FOXP2: variants seen among roughly 807,000 people sequenced by gnomAD.
FOXP2 encodes the protein forkhead box protein P2.
Under a neutral mutation model 115.8 loss-of-function variants are expected in FOXP2, and 12 were observed. That is an observed-to-expected ratio of 0.10 (90% CI 0.07 to 0.17). FOXP2 has a LOEUF of 0.17. Ranked by LOEUF, FOXP2 falls within the 10% of genes least tolerant of loss-of-function variation. FOXP2 has a pLI of 1.00. For missense variants in FOXP2, 629 were observed against 843.5 expected, an observed-to-expected ratio of 0.75 and a Z score of 3.15; for synonymous variants, 328 against 297.7, an observed-to-expected ratio of 1.10 and a Z score of -1.05.
chr7:114,646,471 GTGTTTTT>G (rs1805901925), intron 8 of FOXP2, among the ~76,000 whole-genome samples: 1 of 151,668 alleles, frequency 6.6e-6, no homozygotes, highest in Non-Finnish European at 1.5e-5. Flanking sequence ...ATTCATGCCA[GTGTTTTT>G]TAAAAAACCA....
chr7:114,268,920 A>C (rs530284389), intron 1 of FOXP2, among the ~76,000 whole-genome samples: 23 of 152,312 alleles, frequency 1.5e-4, no homozygotes, highest in African/African-American at 5.5e-4. Context: ...GATCAATTAC[A>C]TATTAAATAA....
chr7:114,361,322 G>A (rs912157616), intron 2 of FOXP2, among the ~76,000 whole-genome samples: 3 of 152,182 alleles, frequency 2.0e-5, no homozygotes, highest in African/African-American at 7.2e-5. Flanking sequence ...GAATGCCTCA[G>A]TGGACTTAAA....
At chr7:114,355,694 A>T (rs561232848) in intron 2 of FOXP2, among the ~76,000 whole-genome samples, 67 of 152,194 alleles carry the variant, frequency 4.4e-4, no homozygotes, top group Admixed American at 3.9e-3. Flanking sequence ...GGGAGTACAA[A>T]CCTGATTTTG....
intron 2 of FOXP2, among the ~76,000 whole-genome samples, chr7:114,526,195 A>AAAAC (rs1554410537): frequency 1.5e-3 from 218 of 147,102 alleles, no homozygotes; most frequent in African/African-American, 5.3e-3. Context: ...AAAAAAAAAA[A>AAAAC]GGGCCGGACG....
At chr7:114,431,655 G>C (rs953721073) in intron 2 of FOXP2, among the ~76,000 whole-genome samples, 1 of 151,738 alleles carries the variant, frequency 6.6e-6, no homozygotes, top group Non-Finnish European at 1.5e-5. Flanking sequence ...GTATTTTTTG[G>C]TTGATCAGAA....
intron 1 of FOXP2, among the ~76,000 whole-genome samples, chr7:114,259,970 A>G (rs1473587090): frequency 2.6e-5 from 4 of 151,946 alleles, no homozygotes; most frequent in Non-Finnish European, 5.9e-5. Flanking sequence ...GCTCACTGCA[A>G]CCTCCATCTC....
intron 2 of FOXP2, among the ~76,000 whole-genome samples, chr7:114,529,450 G>A (rs1335281829): frequency 6.6e-6 from 1 of 151,672 alleles, no homozygotes; most frequent in Non-Finnish European, 1.5e-5. Flanking sequence ...TAAATAGGAT[G>A]CTTTGTAAGT....
At chr7:114,646,465 A>T (rs1805900980) in intron 8 of FOXP2, among the ~76,000 whole-genome samples, 1 of 152,000 alleles carries the variant, frequency 6.6e-6, no homozygotes, top group South Asian at 2.1e-4. Flanking sequence ...TTTCATATTC[A>T]TGCCAGTGTT....
At chr7:114,451,669 C>T (rs1795078391) in intron 2 of FOXP2, among the ~76,000 whole-genome samples, 1 of 152,010 alleles carries the variant, frequency 6.6e-6, no homozygotes, top group South Asian at 2.1e-4. Flanking sequence ...GAAAGTACAT[C>T]ATTTACCTAG....
intron 2 of FOXP2, among the ~76,000 whole-genome samples, chr7:114,323,243 A>T (rs893584834): frequency 1.3e-5 from 2 of 152,116 alleles, no homozygotes; most frequent in African/African-American, 4.8e-5. Context: ...TCAGAATGGG[A>T]TAGTTCCTAT....
chr7:114,558,337 TAA>T (rs1402387706), intron 3 of FOXP2, among the ~76,000 whole-genome samples: 1 of 152,218 alleles, frequency 6.6e-6, no homozygotes, highest in African/African-American at 2.4e-5. Flanking sequence ...AGGATAACAC[TAA>T]TAGGACTCCA....
chr7:114,150,346 C>T (rs1792499240), intron 1 of FOXP2, among the ~76,000 whole-genome samples: 1 of 151,894 alleles, frequency 6.6e-6, no homozygotes, highest in Non-Finnish European at 1.5e-5. Flanking sequence ...TGAAGCATTG[C>T]CTTCATTATC....
intron 8 of FOXP2, among the ~76,000 whole-genome samples, chr7:114,650,185 C>G (rs1295547489): frequency 6.6e-6 from 1 of 151,844 alleles, no homozygotes; most frequent in Non-Finnish European, 1.5e-5. Context: ...TTTTTTAGTT[C>G]TTTAAATATA....
intron 1 of FOXP2, among the ~76,000 whole-genome samples, chr7:114,157,089 C>A (rs1254573666): frequency 6.6e-6 from 1 of 152,128 alleles, no homozygotes. Flanking sequence ...ACATAACTGT[C>A]TTTGAGTTAT....
In FOXP2 at chr7:114,642,406, A is replaced by G. The variant is rs1469991666; in HGVS notation, c.776-4A>G. ...TGCTAGTGAAGCTTTCTTTCATTTT[A>G]TAGCTGGCTTAAGTCCTGCTGAGAT... On this transcript the variant is annotated splice_polypyrimidine_tract_variant and splice_region_variant and intron_variant, in intron 6 of 16. Coordinates refer to ENST00000350908, the MANE Select transcript of FOXP2 (RefSeq NM_014491.4). 2 of 1,612,744 alleles carry G rather than the reference A, an allele frequency of 1.2e-6. No homozygotes were observed. The highest frequency in any genetic ancestry group is 1.3e-5 in the African/African-American group (1 of 74,864).
At chr7:114,689,302 T>A (rs1808535787) in intron 16 of FOXP2, among the ~76,000 whole-genome samples, 1 of 152,206 alleles carries the variant, frequency 6.6e-6, no homozygotes, top group South Asian at 2.1e-4. Context: ...AAACACCCAA[T>A]CTAGCTTATA....
At position 114,453,026 on chromosome 7, in the gene FOXP2, T is replaced by C. The variant is rs148525222; in HGVS notation, c.168+26347T>C. ...TTGTTAAAAATAAATATTGAGCTTC[T>C]GTTATCTTCAAAACTCTCTGATATA... On this transcript the variant is annotated intron_variant, in intron 2 of 16. Coordinates refer to ENST00000350908, the MANE Select transcript of FOXP2 (RefSeq NM_014491.4). 3.5e-4 allele frequency among the ~76,000 whole-genome samples: 53 copies of C among 152,262 alleles called. No homozygotes were observed. In the East Asian group the frequency reaches 9.8e-3, roughly 28 times the overall value.
chr7:114,615,885 C>G (rs1462418927), intron 3 of FOXP2, among the ~76,000 whole-genome samples: 1 of 152,122 alleles, frequency 6.6e-6, no homozygotes, highest in African/African-American at 2.4e-5. Context: ...CCTTTTTATT[C>G]CTCAGGTTTT....
intron 2 of FOXP2, among the ~76,000 whole-genome samples, chr7:114,452,406 G>GA (rs1441366443): frequency 2.6e-5 from 4 of 152,000 alleles, no homozygotes; most frequent in Non-Finnish European, 1.5e-5. Flanking sequence ...TGTGTGTTCT[G>GA]ACTCCAGGAC....
Sources: allele counts gnomAD v4.1 joint callset (sites outside exome capture counted in the v4.1 genomes callset), GRCh38; gene constraint gnomAD v4.1.1; transcripts MANE v1.5; gene names NCBI Gene and HGNC (gene_info 2026-07-23, HGNC 2026-07-21).